STK39: variants seen among roughly 807,000 people sequenced by gnomAD.
The protein encoded by STK39 is serine/threonine kinase 39.
Under a neutral mutation model 77.8 loss-of-function variants are expected in STK39, and 20 were observed. That is an observed-to-expected ratio of 0.26 (90% CI 0.18 to 0.37). STK39 has a LOEUF of 0.37. Ranked by LOEUF, STK39 falls within the 10% of genes least tolerant of loss-of-function variation. STK39 has a pLI of 1.00. For synonymous variants in STK39, 246 were observed against 234.1 expected, an observed-to-expected ratio of 1.05 and a Z score of -0.47; for missense variants, 479 against 656.5, an observed-to-expected ratio of 0.73 and a Z score of 2.95.
At chr2:167,973,666 G>A (rs1026416423) in intron 16 of STK39, among the ~76,000 whole-genome samples, 4 of 152,152 alleles carry the variant, frequency 2.6e-5, no homozygotes, top group Non-Finnish European at 1.5e-5. Flanking sequence ...GGTGTGTGAG[G>A]AGAATGAAAT....
Position 168,182,072 on chromosome 2 carries a change from A to G in STK39, c.227T>C (p.Val76Ala). The G allele has an allele frequency of 6.2e-7, 1 of 1,614,042 alleles. No individual in the cohort carries two copies. Among genetic ancestry groups the G allele is most frequent in the Non-Finnish European group, 8.5e-7 (1 of 1,179,920 alleles). Residue 76 changes from valine to alanine, a missense_variant, in exon 2 of 18, where the codon GTG (valine) becomes GCG (alanine). Physicochemically the swap from Val to Ala is moderately conservative, Grantham distance 64. This residue lies in a region of STK39 where 139 missense variants were observed against 280.6 expected (regional missense o/e 0.50). Coordinates refer to ENST00000355999, the MANE Select transcript of STK39 (RefSeq NM_013233.3). Reference sequence around the variant, plus strand: ...GGGTTTGCATAGGGCTGCCTGAACCACAGCAGTAGCTCCACTGCCTGCAAT... The same window carrying G: ...GGGTTTGCATAGGGCTGCCTGAACCGCAGCAGTAGCTCCACTGCCTGCAAT... Reference protein sequence around the residue: ...QEVIGSGATAVVQAALCKPRQ... With the variant: ...QEVIGSGATAAVQAALCKPRQ...
At chr2:168,184,875 A>G (rs1689169886) in intron 1 of STK39, among the ~76,000 whole-genome samples, 1 of 152,222 alleles carries the variant, frequency 6.6e-6, no homozygotes, top group Admixed American at 6.5e-5. Flanking sequence ...CTAGATTAGG[A>G]TTCCCAGGAT....
rs749633546 is a variant in STK39, at chr2:168,065,388, C to T, written c.1243-7G>A. 1.1e-5 allele frequency: 17 copies of T among 1,613,798 alleles called. No homozygotes were observed. Among genetic ancestry groups the T allele is most frequent in the Middle Eastern group, 1.6e-4 (1 of 6,080 alleles). ...TGCTGGCACTCACTGCAATCTGTTA[C>T]GAGAGCCACCGTTACAGCATTCAAG... On this transcript the variant is annotated splice_polypyrimidine_tract_variant and splice_region_variant and intron_variant, in intron 12 of 17. Transcript: ENST00000355999.
chr2:168,137,970 G>T, intron 8 of STK39, 118 bp downstream of exon 8: 1 of 1,391,834 alleles, frequency 7.2e-7, no homozygotes. Flanking sequence ...GACCACAGCA[G>T]GGTTTCCCAG....
intron 12 of STK39, among the ~76,000 whole-genome samples, chr2:168,067,828 T>G (rs1008835342): frequency 1.1e-4 from 16 of 152,206 alleles, no homozygotes; most frequent in African/African-American, 3.9e-4. Context: ...TTTGAGAGAA[T>G]GAGTGTTTTG....
chr2:168,137,466 G>A (rs1687869125), intron 8 of STK39, among the ~76,000 whole-genome samples: 1 of 152,158 alleles, frequency 6.6e-6, no homozygotes, highest in Non-Finnish European at 1.5e-5. Flanking sequence ...TAAGAAGGAA[G>A]AAAAGGAACT....
chr2:168,222,536 TTTCCA>T (rs1249133332), intron 1 of STK39, among the ~76,000 whole-genome samples: 1 of 152,214 alleles, frequency 6.6e-6, no homozygotes, highest in Non-Finnish European at 1.5e-5. Flanking sequence ...AAAGTAAGCA[TTTCCA>T]TTCATGATTT....
intron 16 of STK39, among the ~76,000 whole-genome samples, chr2:168,001,583 G>A (rs1684003626): frequency 6.6e-6 from 1 of 151,908 alleles, no homozygotes; most frequent in Non-Finnish European, 1.5e-5. Context: ...ATTAGATATG[G>A]AGCCAAAATA....
intron 10 of STK39, among the ~76,000 whole-genome samples, chr2:168,091,519 T>C (rs1016188149): frequency 2.0e-5 from 3 of 152,198 alleles, no homozygotes; most frequent in African/African-American, 7.2e-5. Flanking sequence ...ACAAACTGTT[T>C]AGCTGTGGTG....
intron 14 of STK39, among the ~76,000 whole-genome samples, chr2:168,036,907 A>G (rs7602335): frequency 0.75 from 114,399 of 152,082 alleles, 43,168 homozygotes; most frequent in Non-Finnish European, 0.76. Flanking sequence ...CTCGAAAAAG[A>G]AAATAATCAC....
intron 1 of STK39, among the ~76,000 whole-genome samples, chr2:168,188,423 A>G (rs73031018): frequency 0.04 from 6,071 of 152,296 alleles, 387 homozygotes; most frequent in African/African-American, 0.14. Flanking sequence ...TCCTAATACA[A>G]TAAGGTTGAC....
chr2:168,193,304 C>G (rs143768777), intron 1 of STK39, among the ~76,000 whole-genome samples: 6 of 152,302 alleles, frequency 3.9e-5, no homozygotes, highest in East Asian at 3.9e-4. Context: ...TTTCTTCCCC[C>G]CCCTCTTCAC....
chr2:167,956,688 A>ACACACACACACACACACACT (rs1310652406), intron 17 of STK39, among the ~76,000 whole-genome samples: 1 of 46,242 alleles, frequency 2.2e-5, no homozygotes, highest in African/African-American at 1.2e-4. Context: ...ACACACACAC[A>ACACACACACACACACACACT]CACACACACT....
chr2:167,984,966 A>G (rs1343069961), intron 16 of STK39, among the ~76,000 whole-genome samples: 12 of 152,206 alleles, frequency 7.9e-5, no homozygotes, highest in Non-Finnish European at 1.0e-4. Context: ...AAACTAATGA[A>G]GTACATTGCC....
intron 14 of STK39, among the ~76,000 whole-genome samples, chr2:168,056,250 C>T (rs1030766086): frequency 4.0e-5 from 6 of 151,574 alleles, no homozygotes; most frequent in East Asian, 3.9e-4. Flanking sequence ...GTAGCCACAA[C>T]GTATTTGTCT....
chr2:167,997,555 C>T (rs1574378131), intron 16 of STK39, among the ~76,000 whole-genome samples: 1 of 152,088 alleles, frequency 6.6e-6, no homozygotes, highest in Non-Finnish European at 1.5e-5. Context: ...AACTAACTTC[C>T]CCAAGTCACA....
intron 16 of STK39, among the ~76,000 whole-genome samples, chr2:167,978,569 T>C (rs887871202): frequency 6.6e-6 from 1 of 152,242 alleles, no homozygotes; most frequent in East Asian, 1.9e-4. Flanking sequence ...TCTTTTCTTA[T>C]ACTAATGTAA....
At chr2:168,163,949 T>C in intron 3 of STK39, 69 bp from the exon 4 acceptor site, 3 of 1,534,506 alleles carry the variant, frequency 2.0e-6, no homozygotes, top group Non-Finnish European at 2.6e-6. Context: ...GACTCCATTA[T>C]GTATAAAATT....
At chr2:168,220,495 G>A (rs185158043) in intron 1 of STK39, among the ~76,000 whole-genome samples, 2 of 152,242 alleles carry the variant, frequency 1.3e-5, no homozygotes, top group East Asian at 3.9e-4. Context: ...AATGAGATGT[G>A]CATGTAAAAA....
Sources: allele counts gnomAD v4.1 joint callset (sites outside exome capture counted in the v4.1 genomes callset), GRCh38; gene constraint gnomAD v4.1.1; regional missense constraint gnomAD v4.1.1; transcripts MANE v1.5; gene names NCBI Gene and HGNC (gene_info 2026-07-23, HGNC 2026-07-21).